Variants in TRAF3IP2 observed in about 807,000 individuals in gnomAD.
TRAF3IP2 encodes TRAF3 interacting protein 2.
A neutral mutation model predicts 57.9 loss-of-function variants in TRAF3IP2; 35 were observed. That is an observed-to-expected ratio of 0.60 (90% CI 0.46 to 0.80). The LOEUF (loss-of-function observed/expected upper bound fraction) is 0.80, where lower values mean the gene tolerates loss of function less well. TRAF3IP2 is among the 30% of genes least tolerant of loss of function. TRAF3IP2 has a pLI of 0.00. For synonymous variants in TRAF3IP2, 251 were observed against 268.9 expected (o/e 0.93, Z 0.65); for missense variants, 556 against 706.4 (o/e 0.79, Z 2.41).
chr6:111,605,192 TCCCAAAGGCTCCGTCCAG>T (rs1796982674), intron 1 of TRAF3IP2, among the ~76,000 whole-genome samples: 1 of 152,168 alleles, frequency 6.6e-6, no homozygotes, highest in East Asian at 1.9e-4. Flanking sequence ...TCCCCCTTGT[TCCCAAAGGCTCCGTCCAG>T]CGCCAGGCTG....
rs202090066 is a variant in TRAF3IP2 at position 111,559,520 on chromosome 6, T to C, written c.1583A>G (p.His528Arg). ...EHVPTWLQNT[H>R]VYSWPKNKKN... is the part of the protein sequence containing the mutation. ...TTTATTCTTGGGCCAGCTGTAGACA[T>C]GAGTGTTCTGAAGCCAGGTGGGCAC... The change falls in exon 9 of 9, where the codon CAT (histidine) becomes CGT (arginine). Residue 528 changes from histidine to arginine, a missense_variant. His to Arg is a conservative substitution (Grantham distance 29). Around this residue, in one of 2 missense-constraint regions of TRAF3IP2, gnomAD observed 128 missense variants for 207.7 expected, o/e 0.62. Coordinates refer to ENST00000368761, the MANE Select transcript of TRAF3IP2 (RefSeq NM_147686.4). The C allele has an allele frequency of 2.8e-4, 453 of 1,614,022 alleles. 2 individuals are homozygous for C. Among genetic ancestry groups the C allele is most frequent in the Admixed American group, 3.8e-4 (23 of 60,008 alleles).
At chr6:111,585,980 G>C (rs551491171) in intron 2 of TRAF3IP2, among the ~76,000 whole-genome samples, 49 of 143,346 alleles carry the variant, frequency 3.4e-4, no homozygotes, top group Middle Eastern at 3.6e-3. Flanking sequence ...GTCACAACAT[G>C]CAACATTTTT....
chr6:111,559,681 G>C, intron 8 of TRAF3IP2, 130 bp from the exon 9 acceptor site: 1 of 1,107,998 alleles, frequency 9.0e-7, no homozygotes, highest in Non-Finnish European at 1.3e-6. Flanking sequence ...CCTGGGAGTT[G>C]TGCTGTTTTG....
At chr6:111,579,010 A>G (rs1001441236) in intron 3 of TRAF3IP2, among the ~76,000 whole-genome samples, 8 of 152,286 alleles carry the variant, frequency 5.3e-5, no homozygotes, top group South Asian at 2.1e-4. Flanking sequence ...AGAGAAAAGG[A>G]AAGTCCAAAG....
intron 2 of TRAF3IP2, among the ~76,000 whole-genome samples, chr6:111,580,864 G>A (rs920651507): frequency 6.6e-5 from 10 of 152,100 alleles, no homozygotes; most frequent in African/African-American, 1.7e-4. Flanking sequence ...ACACGTGCGC[G>A]CACACACACA....
intron 1 of TRAF3IP2, chr6:111,601,806 C>A (rs1004976829): frequency 2.6e-5 from 4 of 152,174 alleles, no homozygotes; most frequent in African/African-American, 7.2e-5. Context: ...CAAGGCCTTA[C>A]TTCATTCCCC....
intron 1 of TRAF3IP2, among the ~76,000 whole-genome samples, chr6:111,597,162 CT>C (rs1264653613): frequency 3.3e-5 from 5 of 151,468 alleles, no homozygotes; most frequent in African/African-American, 9.7e-5. Context: ...CTTCCCTCTT[CT>C]TTTTTTTTCC....
intron 1 of TRAF3IP2, chr6:111,598,063 G>A (rs970450660): frequency 5.4e-6 from 2 of 370,584 alleles, no homozygotes; most frequent in East Asian, 1.4e-4. Flanking sequence ...ATCCTGGGGG[G>A]AGAGCGGGGC....
chr6:111,563,927 G>A (rs1233406259), intron 7 of TRAF3IP2, among the ~76,000 whole-genome samples: 1 of 152,178 alleles, frequency 6.6e-6, no homozygotes, highest in Non-Finnish European at 1.5e-5. Flanking sequence ...CAATAGGAGG[G>A]GAGTTAGAGT....
chr6:111,591,117 G>T lies in TRAF3IP2; in HGVS notation c.829+141C>A. ...CCCTTTGCAAATCCAGCCACACATG[G>T]AAAGCCCCTAAGAGAAGCAGAATGC... On this transcript the variant is annotated intron_variant, in intron 2 of 8. Transcript: ENST00000368761. This position sits in a 1 kb window ranked among gnomAD's most constrained non-coding sequence, Gnocchi z 4.9. 1 of 570,312 alleles carries T rather than the reference G, an allele frequency of 1.8e-6. No individual in the cohort carries two copies. 35.3% of individuals were successfully genotyped at this position (570,312 alleles called of 1,614,324 possible). A position where few individuals can be genotyped will look rare whatever the true frequency, so the allele number is the denominator to read the frequency against.
chr6:111,563,135 T>G, intron 7 of TRAF3IP2, 96 bp from the exon 8 acceptor site: 1 of 868,214 alleles, frequency 1.2e-6, no homozygotes, highest in Non-Finnish European at 1.9e-6. Flanking sequence ...ATTTTTATTC[T>G]GATTTCCATA....
chr6:111,603,119 G>A (rs1274083297), intron 1 of TRAF3IP2, among the ~76,000 whole-genome samples: 3 of 151,760 alleles, frequency 2.0e-5, no homozygotes, highest in Non-Finnish European at 2.9e-5. Context: ...CACAAGGCGT[G>A]CACACACAGC....
Position 111,559,258 on chromosome 6 carries a change from A to T in TRAF3IP2, c.*147T>A. 1 of 1,120,234 alleles carries T rather than the reference A, an allele frequency of 8.9e-7. No individual in the cohort carries two copies. The highest frequency in any genetic ancestry group is 1.3e-6 in the Non-Finnish European group (1 of 789,838). 69.4% of individuals were successfully genotyped at this position (1,120,234 alleles called of 1,614,324 possible). A position where few individuals can be genotyped will look rare whatever the true frequency, so the allele number is the denominator to read the frequency against. ...GGAGGTCTCCGGGGAAGAGCTCTGC[A>T]CAACAGGTTTCCTGGGGGCCAGAGG... On this transcript the variant is annotated 3_prime_UTR_variant, in exon 9 of 9. Transcript: ENST00000368761.
At chr6:111,578,141 T>C (rs1193948637) in intron 3 of TRAF3IP2, among the ~76,000 whole-genome samples, 1 of 152,214 alleles carries the variant, frequency 6.6e-6, no homozygotes, top group Non-Finnish European at 1.5e-5. Context: ...CTTTTGTAAG[T>C]CTAAAATTGT....
In TRAF3IP2 at chr6:111,585,543, A is replaced by G. The variant is rs187015088; in HGVS notation, c.830-5154T>C. On this transcript the variant is annotated intron_variant, in intron 2 of 8. Transcript: ENST00000368761. Reference sequence around the variant, plus strand: ...TTAGCTCAAAATAAATGGAGAGAGAAAGAGAAAATCTATGTGTCTGTGGGT... The same window carrying G: ...TTAGCTCAAAATAAATGGAGAGAGAGAGAGAAAATCTATGTGTCTGTGGGT... Among the ~76,000 whole-genome samples, 697 of 152,336 alleles carry G rather than the reference A, an allele frequency of 4.6e-3. 1 individual carries two copies. Among genetic ancestry groups the G allele is most frequent in the South Asian group, 0.013 (65 of 4,826 alleles).
intron 3 of TRAF3IP2, among the ~76,000 whole-genome samples, chr6:111,579,307 G>C (rs554145548): frequency 4.4e-5 from 4 of 91,410 alleles, no homozygotes; most frequent in Non-Finnish European, 7.8e-5. Context: ...ACAGAGCAAG[G>C]CTCCATCTCA....
At chr6:111,575,615 G>C in intron 4 of TRAF3IP2, 28 bp downstream of exon 4, 1 of 1,568,580 alleles carries the variant, frequency 6.4e-7, no homozygotes, top group Non-Finnish European at 8.6e-7. Context: ...AAAAGAGGAA[G>C]GAGAGAACAA....
chr6:111,560,041 G>A (rs1795378596), intron 8 of TRAF3IP2, among the ~76,000 whole-genome samples: 2 of 152,216 alleles, frequency 1.3e-5, no homozygotes, highest in Admixed American at 1.3e-4. Flanking sequence ...TGGGGGTGCA[G>A]TGTCAGACTG....
At position 111,591,780 on chromosome 6, in the gene TRAF3IP2, C is replaced by T. The variant is rs376351152; in HGVS notation, c.307G>A (p.Gly103Ser). Reference protein sequence around the residue: ...DSFCRRHPGLGKAFPSGCSAV... With the variant: ...DSFCRRHPGLSKAFPSGCSAV... ...GAGCACCCAGAAGGGAAAGCTTTGC[C>T]CAGGCCTGGGTGTCTCCTGCAGAAA... The change falls in exon 2 of 9, where the codon GGC becomes AGC. Residue 103 changes from glycine to serine, a missense_variant. Around this residue, in one of 2 missense-constraint regions of TRAF3IP2, gnomAD observed 428 missense variants for 498.7 expected, o/e 0.86. Transcript: ENST00000368761. This position sits in a 1 kb window ranked among gnomAD's most constrained non-coding sequence, Gnocchi z 4.9. 15 of 1,614,102 alleles carry T rather than the reference C, an allele frequency of 9.3e-6. No individual in the cohort carries two copies. Among genetic ancestry groups the T allele is most frequent in the Non-Finnish European group, 1.3e-5 (15 of 1,180,050 alleles).
Sources: allele counts gnomAD v4.1 joint callset (sites outside exome capture counted in the v4.1 genomes callset), GRCh38; gene constraint gnomAD v4.1.1; regional missense constraint gnomAD v4.1.1; non-coding constraint Gnocchi (gnomAD v3.1); transcripts MANE v1.5; gene names NCBI Gene and HGNC (gene_info 2026-07-23, HGNC 2026-07-21).